The following LRRFIP1 variants were observed in gnomAD, a reference collection of about 807,000 sequenced individuals.
LRRFIP1 encodes LRR binding FLII interacting protein 1.
Under a neutral mutation model 104.4 loss-of-function variants are expected in LRRFIP1, and 62 were observed. The ratio of observed to expected loss-of-function variants is 0.59; its 90% confidence interval spans 0.48 to 0.73. The LOEUF (loss-of-function observed/expected upper bound fraction) is 0.73. LRRFIP1 is among the 30% of genes least tolerant of loss of function. LRRFIP1 has a pLI of 0.00. For missense variants in LRRFIP1, 796 were observed against 824.5 expected (o/e 0.97, Z 0.42); for synonymous variants, 300 against 299.0 (o/e 1.00, Z -0.03).
intron 1 of LRRFIP1, among the ~76,000 whole-genome samples, chr2:237,645,170 T>C (rs1288611490): frequency 6.6e-6 from 1 of 152,236 alleles, no homozygotes; most frequent in African/African-American, 2.4e-5. Context: ...TTAGTAAATT[T>C]GGAGAGAGAT....
rs778239592 is a variant in LRRFIP1 at position 237,649,229 on chromosome 2, C to T, written c.96+21489C>T. Among the ~76,000 whole-genome samples, 7 of 151,418 alleles carry T rather than the reference C, an allele frequency of 4.6e-5. No individual in the cohort carries two copies. The highest frequency in any genetic ancestry group is 8.8e-5 in the Non-Finnish European group (6 of 67,828). On this transcript the variant is annotated intron_variant, in intron 1 of 23. Coordinates refer to ENST00000308482, the MANE Select transcript of LRRFIP1 (RefSeq NM_001137550.2). This position sits in a 1 kb window ranked among gnomAD's most constrained non-coding sequence, Gnocchi z 4.1. ...CCCTCCCTCCCCACCCACAGCTGTG[C>T]CCAGCTACGAACACTGTAGGCCGGG...
chr2:237,717,196 A>G lies in LRRFIP1; in HGVS notation c.202-566A>G, dbSNP rs79740226. On this transcript the variant is annotated intron_variant, in intron 3 of 23. Transcript: ENST00000308482. This position sits in a 1 kb window ranked among gnomAD's most constrained non-coding sequence, Gnocchi z 4.2. ...TCTTCTGTACAAAGACCTCTTCTGT[A>G]GGTGGCAGTCATCTCTCCATCCCTG... is the stretch of plus-strand genomic sequence containing the variant. Among the ~76,000 whole-genome samples, 777 of 152,276 alleles carry G rather than the reference A, an allele frequency of 5.1e-3. 9 individuals are homozygous for G. Among genetic ancestry groups the G allele is most frequent in the African/African-American group, 0.018 (748 of 41,530 alleles).
chr2:237,724,204 C>A (rs1299385557), intron 7 of LRRFIP1, among the ~76,000 whole-genome samples: 1 of 152,160 alleles, frequency 6.6e-6, no homozygotes, highest in African/African-American at 2.4e-5. Flanking sequence ...CAGTGTTATA[C>A]TTCAAGGAAG....
At chr2:237,631,826 G>A (rs2082380964) in intron 1 of LRRFIP1, among the ~76,000 whole-genome samples, 1 of 152,258 alleles carries the variant, frequency 6.6e-6, no homozygotes, top group African/African-American at 2.4e-5. Context: ...TCACCGTGGG[G>A]CCTTGAGACA....
chr2:237,688,106 T>C (rs1171535136), intron 1 of LRRFIP1, among the ~76,000 whole-genome samples: 2 of 152,256 alleles, frequency 1.3e-5, no homozygotes, highest in African/African-American at 4.8e-5. Flanking sequence ...TTCAGACATG[T>C]AATTTTCATT....
chr2:237,679,677 CGGCTCACTGCAACCTCTGCCAA>C (rs1452338555), intron 1 of LRRFIP1, among the ~76,000 whole-genome samples: 1 of 152,250 alleles, frequency 6.6e-6, no homozygotes, highest in East Asian at 1.9e-4. Flanking sequence ...GGCATGATCT[CGGCTCACTGCAACCTCTGCCAA>C]CTGAGTTCAA....
chr2:237,770,066 C>A, intron 20 of LRRFIP1, 74 bp downstream of exon 20: 1 of 1,245,212 alleles, frequency 8.0e-7, no homozygotes, highest in Non-Finnish European at 1.2e-6. Flanking sequence ...TTCCTTCTTG[C>A]TTACTCAGAA....
intron 1 of LRRFIP1, among the ~76,000 whole-genome samples, chr2:237,664,651 G>A (rs979313171): frequency 2.0e-5 from 3 of 152,122 alleles, no homozygotes; most frequent in Admixed American, 1.3e-4. Flanking sequence ...TGAGCAAATC[G>A]CCTTTTATAA....
chr2:237,669,892 AG>A (rs1203011769), intron 1 of LRRFIP1, among the ~76,000 whole-genome samples: 1 of 152,308 alleles, frequency 6.6e-6, no homozygotes, highest in East Asian at 1.9e-4. Context: ...CACGTGGCAT[AG>A]AGCCTCGCAC....
chr2:237,662,405 G>T (rs1463977567), intron 1 of LRRFIP1, among the ~76,000 whole-genome samples: 1 of 152,080 alleles, frequency 6.6e-6, no homozygotes, highest in Non-Finnish European at 1.5e-5. Flanking sequence ...CGCAGTGCAG[G>T]GTTCTTACAT....
At chr2:237,692,190 T>G (rs2092834965) in intron 1 of LRRFIP1, 3 of 1,043,384 alleles carry the variant, frequency 2.9e-6, no homozygotes, top group Non-Finnish European at 3.5e-6. Context: ...GGCGCCCGAG[T>G]CCCGCTTCCC....
chr2:237,641,236 G>T (rs2083915931), intron 1 of LRRFIP1, among the ~76,000 whole-genome samples: 1 of 150,268 alleles, frequency 6.7e-6, no homozygotes, highest in Admixed American at 6.6e-5. Context: ...AAAAGGCCAG[G>T]TGCAGTGGCT....
intron 1 of LRRFIP1, among the ~76,000 whole-genome samples, chr2:237,652,352 C>G (rs1300039525): frequency 6.6e-6 from 1 of 152,130 alleles, no homozygotes; most frequent in Non-Finnish European, 1.5e-5. Flanking sequence ...CCAAGGGCAC[C>G]AGTGCCAGTG....
chr2:237,741,186 C>T (rs751416626), intron 11 of LRRFIP1, among the ~76,000 whole-genome samples: 35 of 152,364 alleles, frequency 2.3e-4, no homozygotes, highest in Middle Eastern at 3.4e-3. Flanking sequence ...CCCCAGTAAT[C>T]TCTCCCCAGA....
intron 19 of LRRFIP1, chr2:237,762,638 G>C (rs777912072): frequency 1.9e-6 from 3 of 1,608,364 alleles, no homozygotes; most frequent in Admixed American, 3.4e-5. Flanking sequence ...AAATGAAATC[G>C]TGGCGAATGT....
In LRRFIP1 at chr2:237,779,319, T is replaced by A. The variant is rs1576478239; in HGVS notation, c.1813-103T>A. 1.1e-5 allele frequency: 16 copies of A among 1,463,292 alleles called. No homozygotes were observed. In the South Asian group the frequency reaches 2.2e-4, roughly 20 times the overall value. 90.6% of individuals were successfully genotyped at this position (1,463,292 alleles called of 1,614,324 possible). A position where few individuals can be genotyped will look rare whatever the true frequency, so the allele number is the denominator to read the frequency against. On this transcript the variant is annotated intron_variant, in intron 23 of 23. Coordinates refer to ENST00000308482, the MANE Select transcript of LRRFIP1 (RefSeq NM_001137550.2). ...TCATGAGGGACCAGGGGCCAAGTTA[T>A]CATTTTATTTTTCAGTAGGATTGGA...
chr2:237,680,059 C>A (rs563280984), intron 1 of LRRFIP1, among the ~76,000 whole-genome samples: 2 of 152,294 alleles, frequency 1.3e-5, no homozygotes, highest in African/African-American at 4.8e-5. Context: ...TGTCTCTGAA[C>A]AAGAAAACTC....
intron 1 of LRRFIP1, among the ~76,000 whole-genome samples, chr2:237,634,755 G>T (rs2082861777): frequency 6.6e-6 from 1 of 152,060 alleles, no homozygotes; most frequent in Admixed American, 6.6e-5. Context: ...TAGAGTTAAT[G>T]ATTTATTTTC....
intron 1 of LRRFIP1, among the ~76,000 whole-genome samples, chr2:237,639,629 G>A (rs182554943): frequency 5.3e-5 from 8 of 152,274 alleles, no homozygotes; most frequent in Admixed American, 1.3e-4. Flanking sequence ...TAAATTACCC[G>A]CCTATTTTTA....
Sources: allele counts gnomAD v4.1 joint callset (sites outside exome capture counted in the v4.1 genomes callset), GRCh38; gene constraint gnomAD v4.1.1; non-coding constraint Gnocchi (gnomAD v3.1); transcripts MANE v1.5; gene names NCBI Gene and HGNC (gene_info 2026-07-23, HGNC 2026-07-21).